The following AGT variants were observed in gnomAD, a reference collection of about 807,000 sequenced individuals.
The protein encoded by AGT is angiotensinogen, also known as alpha-1 antiproteinase, antitrypsin.
In AGT, 26 loss-of-function variants were observed where a neutral mutation model predicts 28.1. The ratio of observed to expected loss-of-function variants is 0.92; its 90% CI spans 0.68 to 1.28. The LOEUF is 1.28. Among genes scored for constraint, AGT ranks in the 50% most tolerant of loss-of-function variants. The probability of loss-of-function intolerance (pLI) is 0.00; values close to 1 mark genes in which losing one functional copy is unlikely to be tolerated. For missense variants in AGT, 596 were observed against 592.3 expected, an observed-to-expected ratio of 1.01 and a Z score of -0.06; for synonymous variants, 259 against 259.6, an observed-to-expected ratio of 1.00 and a Z score of 0.02.
At position 230,725,391 on chromosome 1, in the gene AGT, G is replaced by A. The variant is rs547410926; in HGVS notation, c.-30-14538C>T. On this transcript the variant is annotated intron_variant, in intron 1 of 4. Transcript: ENST00000681269. The stretch of plus-strand genomic sequence containing the variant: ...CATGAAAGTAGAGACACAAAGTACC[G>A]TTTCCAAGTCTGTTATCTCCATTCA... 4.6e-5 allele frequency among the ~76,000 whole-genome samples: 7 copies of A among 152,232 alleles called. No homozygotes were observed. The South Asian group carries it at 1.5e-3, about 32-fold the overall frequency.
chr1:230,711,476 C>T (rs1349859913), intron 1 of AGT, among the ~76,000 whole-genome samples: 1 of 152,140 alleles, frequency 6.6e-6, no homozygotes, highest in African/African-American at 2.4e-5. Flanking sequence ...TTAAGACATG[C>T]TCCTGCCTGC....
At chr1:230,720,372 T>C (rs4628514) in intron 1 of AGT, among the ~76,000 whole-genome samples, 30,322 of 152,124 alleles carry the variant, frequency 0.2, 4,158 homozygotes, top group East Asian at 0.49. Flanking sequence ...GTGGTAATAA[T>C]CTGTTGGAGG....
chr1:230,737,171 C>G (rs1199908020), intron 1 of AGT, among the ~76,000 whole-genome samples: 1 of 152,178 alleles, frequency 6.6e-6, no homozygotes, highest in East Asian at 1.9e-4. Flanking sequence ...TCCCCAAACC[C>G]TTCATCAAAT....
At chr1:230,714,742 G>A (rs550028588), upstream of AGT, among the ~76,000 whole-genome samples, 1 of 152,342 alleles carries the variant, frequency 6.6e-6, no homozygotes, top group Non-Finnish European at 1.5e-5. Context: ...CAGCCAGATT[G>A]AAAGACACAA....
chr1:230,731,178 C>T (rs1264746251), intron 1 of AGT, among the ~76,000 whole-genome samples: 1 of 152,186 alleles, frequency 6.6e-6, no homozygotes, highest in African/African-American at 2.4e-5. Context: ...CTGAGGCTTC[C>T]AGGCAGCTGT....
At chr1:230,707,082 C>G (rs2102787918) in intron 2 of AGT, among the ~76,000 whole-genome samples, 1 of 152,352 alleles carries the variant, frequency 6.6e-6, no homozygotes, top group Non-Finnish European at 1.5e-5. Flanking sequence ...GATTTGCACA[C>G]TGGGCCTTGG....
At chr1:230,707,359 A>G (rs1663417504) in intron 2 of AGT, among the ~76,000 whole-genome samples, 1 of 152,198 alleles carries the variant, frequency 6.6e-6, no homozygotes, top group Non-Finnish European at 1.5e-5. Context: ...TTGTCACAGA[A>G]CAGTCCCCTG....
chr1:230,705,139 T>C (rs1162682137), intron 3 of AGT, among the ~76,000 whole-genome samples: 1 of 151,858 alleles, frequency 6.6e-6, no homozygotes, highest in African/African-American at 2.4e-5. Flanking sequence ...GAGCTTCAGT[T>C]TGGGAAGTTG....
chr1:230,715,567 T>C (rs898218142), upstream of AGT, among the ~76,000 whole-genome samples: 2 of 152,152 alleles, frequency 1.3e-5, no homozygotes, highest in African/African-American at 4.8e-5. Context: ...CCATTCAAAG[T>C]GCTCCTGCCT....
intron 2 of AGT, among the ~76,000 whole-genome samples, chr1:230,708,530 C>G (rs1020498213): frequency 4.6e-5 from 7 of 152,180 alleles, no homozygotes; most frequent in Admixed American, 1.3e-4. Flanking sequence ...TCACCTCTCC[C>G]TGAACCCGAA....
At chr1:230,706,402 T>C (rs1389999189) in intron 2 of AGT, among the ~76,000 whole-genome samples, 1 of 152,086 alleles carries the variant, frequency 6.6e-6, no homozygotes, top group Non-Finnish European at 1.5e-5. Context: ...ATGCAGCCAT[T>C]TGAGTTCACT....
chr1:230,719,824 A>C (rs1017488136), intron 1 of AGT, among the ~76,000 whole-genome samples: 6 of 152,218 alleles, frequency 3.9e-5, no homozygotes, highest in Non-Finnish European at 7.3e-5. Context: ...TAGCTGACAT[A>C]ATTAGTGAAT....
At chr1:230,720,145 G>A (rs952434810) in intron 1 of AGT, among the ~76,000 whole-genome samples, 1 of 152,046 alleles carries the variant, frequency 6.6e-6, no homozygotes, top group Non-Finnish European at 1.5e-5. Flanking sequence ...AAATTTCAAG[G>A]GGTTAATATG....
chr1:230,743,305 A>C (rs1322779722), intron 1 of AGT, among the ~76,000 whole-genome samples: 2 of 152,158 alleles, frequency 1.3e-5, no homozygotes, highest in Admixed American at 1.3e-4. Context: ...TACTCTTAAC[A>C]TACCCAAAGT....
chr1:230,737,281 T>C (rs1664173958), intron 1 of AGT, among the ~76,000 whole-genome samples: 1 of 152,144 alleles, frequency 6.6e-6, no homozygotes, highest in African/African-American at 2.4e-5. Context: ...CGTAGGTGAC[T>C]ACTAAGAATA....
At position 230,720,085 on chromosome 1, in the gene AGT, C is replaced by T. The variant is rs369934633; in HGVS notation, c.-30-9232G>A. Among the ~76,000 whole-genome samples the T allele has an allele frequency of 2.6e-5, 4 of 152,190 alleles. No homozygotes were observed. In the South Asian group the frequency reaches 8.3e-4, roughly 32 times the overall value. On this transcript the variant is annotated intron_variant, in intron 1 of 4. Coordinates refer to the AGT transcript ENST00000681269. ...AAGGAAAGGGGAGGCCTAGAAAATC[C>T]TCAGGTTTGCACAGTTATCTCTTCA... is the stretch of plus-strand genomic sequence containing the variant.
chr1:230,704,305 A>T lies in AGT; in HGVS notation c.1130T>A (p.Leu377Gln), dbSNP rs1297898223. 1 of 1,614,226 alleles carries T rather than the reference A, an allele frequency of 6.2e-7. No homozygotes were observed. The highest frequency in any genetic ancestry group is 1.7e-5 in the Admixed American group (1 of 60,030). Residue 377 changes from leucine to glutamine, a missense_variant, in exon 4 of 5, where the codon CTG (leucine) becomes CAG (glutamine). By Grantham distance (113) the Leu-to-Gln change is moderately radical. Coordinates refer to ENST00000366667, the MANE Select transcript of AGT (RefSeq NM_001384479.1). ...GTCCTGCAGGTCATAAGATCCTTGCAGCACCAGTTGGGGCATGGTCAGGTG... is the reference window on the plus strand; with the variant it reads ...GTCCTGCAGGTCATAAGATCCTTGCTGCACCAGTTGGGGCATGGTCAGGTG... ...TIHLTMPQLV[L>Q]QGSYDLQDLL...
chr1:230,708,263 G>T (rs1460321958), intron 2 of AGT, among the ~76,000 whole-genome samples: 1 of 152,082 alleles, frequency 6.6e-6, no homozygotes, highest in Non-Finnish European at 1.5e-5. Context: ...TGGCTCTGCG[G>T]TCTGGGTCAG....
chr1:230,705,298 C>T (rs1338664132), intron 3 of AGT, among the ~76,000 whole-genome samples: 1 of 151,986 alleles, frequency 6.6e-6, no homozygotes, highest in African/African-American at 2.4e-5. Flanking sequence ...TAAAAAACAC[C>T]CAGAGTTGAT....
Sources: gnomAD v4.1 joint callset for allele counts (sites outside exome capture counted in the v4.1 genomes callset) on GRCh38, gnomAD v4.1.1 for gene constraint, MANE v1.5 for transcripts, NCBI Gene and HGNC (gene_info 2026-07-23, HGNC 2026-07-21) for gene names.